The following IDH3A variants were observed in gnomAD, a reference collection of about 807,000 sequenced individuals.
IDH3A encodes the protein isocitrate dehydrogenase (NAD(+)) 3 catalytic subunit alpha, also known as isocitrate dehydrogenase [NAD] subunit alpha, mitochondrial.
IDH3A carries 23 observed loss-of-function variants against 43.3 expected under a neutral mutation model. The observed-to-expected ratio is 0.53, with a 90% CI of 0.38 to 0.75. IDH3A has a LOEUF of 0.75. Among genes scored for constraint, IDH3A ranks in the 30% least tolerant of loss-of-function variants. The probability of loss-of-function intolerance (pLI) is 0.00; values close to 1 mark genes in which losing one functional copy is unlikely to be tolerated. For synonymous variants in IDH3A, 154 were observed against 163.5 expected (o/e 0.94, Z 0.44); for missense variants, 329 against 474.4 (o/e 0.69, Z 2.85).
chr15:78,155,297 A>AT (rs1357621121), intron 2 of IDH3A, 22 bp downstream of exon 2: 2 of 1,560,210 alleles, frequency 1.3e-6, no homozygotes, highest in Admixed American at 1.7e-5. Context: ...TATGTCTTTT[A>AT]TTTTTTCCTT....
intron 10 of IDH3A, 127 bp downstream of exon 10, chr15:78,166,429 A>ATTC (rs1223653381): frequency 1.1e-6 from 1 of 930,804 alleles, no homozygotes; most frequent in Non-Finnish European, 1.7e-6. Context: ...TTGAACAAGG[A>ATTC]TTCTTAACGT....
intron 2 of IDH3A, 28 bp from the exon 3 acceptor site, chr15:78,157,520 G>T (rs770356687): frequency 6.6e-7 from 1 of 1,518,134 alleles, no homozygotes; most frequent in East Asian, 2.3e-5. Flanking sequence ...AATTCTTACT[G>T]TCTTCTTTGA....
intron 4 of IDH3A, 38 bp downstream of exon 4, chr15:78,160,244 C>T (rs767785670): frequency 9.8e-5 from 119 of 1,209,480 alleles, no homozygotes; most frequent in Non-Finnish European, 1.4e-4. Context: ...TTACAGATTT[C>T]CGCTACAGGG....
intron 3 of IDH3A, among the ~76,000 whole-genome samples, chr15:78,158,322 T>C (rs973973379): frequency 1.3e-5 from 2 of 151,584 alleles, no homozygotes; most frequent in African/African-American, 2.4e-5. Context: ...CGTGTCTGTC[T>C]GAGCTCGTGT....
intron 4 of IDH3A, among the ~76,000 whole-genome samples, chr15:78,160,891 T>C (rs768721645): frequency 6.7e-6 from 1 of 148,482 alleles, no homozygotes; most frequent in Non-Finnish European, 1.5e-5. Flanking sequence ...TAGGCTTTAT[T>C]TTTATATTTT....
At chr15:78,167,510 C>T (rs923789213) in intron 10 of IDH3A, 12 of 152,196 alleles carry the variant, frequency 7.9e-5, no homozygotes, top group African/African-American at 2.9e-4. Flanking sequence ...GAAAAATATG[C>T]ATAACATAAA....
In IDH3A at chr15:78,164,861, T is replaced by C. The variant is rs551405375; in HGVS notation, c.780-131T>C. On this transcript the variant is annotated intron_variant, in intron 8 of 10. Transcript: ENST00000299518. ...ATCTGTATTTTCCTAACCTTTGCCCTGGAATCAGCCATTTATCCAAGGAAT... is the reference window on the plus strand; with the variant it reads ...ATCTGTATTTTCCTAACCTTTGCCCCGGAATCAGCCATTTATCCAAGGAAT... The C allele has an allele frequency of 8.1e-5, 56 of 690,934 alleles. No individual in the cohort carries two copies. In the African/African-American group the frequency reaches 9.1e-4, roughly 11 times the overall value. The allele number at this position is 690,934 out of a possible 1,614,324, so 42.8% of individuals were successfully genotyped here. A position where few individuals can be genotyped will look rare whatever the true frequency, so the allele number is the denominator to read the frequency against.
At chr15:78,155,130 C>G in intron 1 of IDH3A, 83 bp from the exon 2 acceptor site, 1 of 926,344 alleles carries the variant, frequency 1.1e-6, no homozygotes, top group Admixed American at 1.9e-5. Flanking sequence ...TGCAGCATTA[C>G]CATCCATCAG....
At chr15:78,158,740 C>T (rs959213180) in intron 3 of IDH3A, among the ~76,000 whole-genome samples, 3 of 149,572 alleles carry the variant, frequency 2.0e-5, no homozygotes, top group South Asian at 2.1e-4. Flanking sequence ...GCCTCTGCAC[C>T]GGGCCTGGCC....
Position 78,149,412 on chromosome 15 carries a change from GC to G in IDH3A, c.12del (p.Ala5ArgfsTer19). ...AGCCAGGAGGGGAAGCGATGGCTGG[GC>G]CCGCGTGGATCTCTAAGGTGAGCGC... MAG[P>X]AWISKVSRLL... On this transcript the variant is annotated frameshift_variant, in exon 1 of 11. Transcript: ENST00000299518. LOFTEE classifies it high-confidence loss of function. 1.3e-6 allele frequency: 2 copies of G among 1,552,262 alleles called. No individual in the cohort carries two copies. Among genetic ancestry groups the G allele is most frequent in the Non-Finnish European group, 8.6e-7 (1 of 1,156,504 alleles).
intron 5 of IDH3A, 102 bp from the exon 6 acceptor site, chr15:78,162,130 CTG>C: frequency 8.4e-7 from 1 of 1,189,148 alleles, no homozygotes; most frequent in South Asian, 1.3e-5. Context: ...CTAGCTGGCA[CTG>C]TGCAGGCCTG....
At chr15:78,163,826 T>C in intron 8 of IDH3A, 46 bp downstream of exon 8, 1 of 1,163,490 alleles carries the variant, frequency 8.6e-7, no homozygotes, top group Non-Finnish European at 1.3e-6. Context: ...GATTTACTTA[T>C]AAACATCCTA....
chr15:78,158,448 C>CACACATATATATAT (rs763962799), intron 3 of IDH3A, among the ~76,000 whole-genome samples: 3 of 28,212 alleles, frequency 1.1e-4, no homozygotes, highest in African/African-American at 4.7e-4. Flanking sequence ...TACATACATA[C>CACACATATATATAT]ATATATATAT....
chr15:78,166,885 G>C (rs890982664), intron 10 of IDH3A, among the ~76,000 whole-genome samples: 1 of 150,880 alleles, frequency 6.6e-6, no homozygotes, highest in African/African-American at 2.5e-5. Flanking sequence ...TCCCGCCCCA[G>C]CCTCCCAAAG....
At chr15:78,164,287 TTC>T (rs555935847) in intron 8 of IDH3A, among the ~76,000 whole-genome samples, 126 of 148,052 alleles carry the variant, frequency 8.5e-4, no homozygotes, top group Admixed American at 1.1e-3. Flanking sequence ...TTGTCTGTGC[TTC>T]TCTCTCTCTC....
At chr15:78,162,046 C>T (rs934769124) in intron 5 of IDH3A, among the ~76,000 whole-genome samples, 188 bp from the exon 6 acceptor site, 1 of 152,184 alleles carries the variant, frequency 6.6e-6, no homozygotes, top group African/African-American at 2.4e-5. Flanking sequence ...TGCAGTGGGG[C>T]TCATAATACT....
At chr15:78,154,550 G>A (rs559454049) in intron 1 of IDH3A, 23 of 152,244 alleles carry the variant, frequency 1.5e-4, no homozygotes, top group African/African-American at 5.5e-4. Flanking sequence ...TTTTCTTTGG[G>A]ACCAGCATCT....
intron 2 of IDH3A, chr15:78,156,906 A>C (rs750033526): frequency 7.4e-7 from 1 of 1,351,768 alleles, no homozygotes; most frequent in East Asian, 4.5e-5. Flanking sequence ...TTTTGGTTGC[A>C]GATCAACTTT....
chr15:78,165,135 G>A, intron 9 of IDH3A, 59 bp downstream of exon 9: 1 of 1,007,752 alleles, frequency 9.9e-7, no homozygotes. Flanking sequence ...AACTCAGGAG[G>A]AGTTATCTGT....
Sources: gnomAD v4.1 joint callset for allele counts (sites outside exome capture counted in the v4.1 genomes callset) on GRCh38, gnomAD v4.1.1 for gene constraint, MANE v1.5 for transcripts, NCBI Gene and HGNC (gene_info 2026-07-23, HGNC 2026-07-21) for gene names.